The following PCDHA3 variants were observed in gnomAD, a reference collection of about 807,000 sequenced individuals.
PCDHA3 encodes protocadherin alpha 3, also known as protocadherin alpha-3.
A neutral mutation model predicts 62.2 loss-of-function variants in PCDHA3; 41 were observed. The ratio of observed to expected loss-of-function variants is 0.66; its 90% confidence interval spans 0.51 to 0.86. The LOEUF (loss-of-function observed/expected upper bound fraction) is 0.86. Among genes scored for constraint, PCDHA3 ranks in the 40% least tolerant of loss-of-function variants. The pLI, the probability that PCDHA3 is intolerant of heterozygous loss-of-function variation, is 0.00. For missense variants in PCDHA3, 1,304 were observed against 1,241.2 expected, an observed-to-expected ratio of 1.05 and a Z score of -0.76; for synonymous variants, 640 against 555.4, an observed-to-expected ratio of 1.15 and a Z score of -2.14.
chr5:140,805,664 A>C, intron 1 of PCDHA3: 1 of 842,580 alleles, frequency 1.2e-6, no homozygotes, highest in Non-Finnish European at 1.4e-6. Context: ...TTCCCCATTA[A>C]TACCCAGGAT....
At chr5:140,967,958 CG>C in intron 1 of PCDHA3, 1 of 1,614,182 alleles carries the variant, frequency 6.2e-7, no homozygotes, top group Non-Finnish European at 8.5e-7. Flanking sequence ...AGGCCCCAAC[CG>C]GAAAGTGAGC....
chr5:140,958,799 C>T (rs889190378), intron 1 of PCDHA3, among the ~76,000 whole-genome samples: 3 of 152,104 alleles, frequency 2.0e-5, no homozygotes, highest in African/African-American at 7.2e-5. Context: ...AGTAAATTAT[C>T]ACACCATTCT....
chr5:140,870,179 G>A, intron 1 of PCDHA3: 1 of 1,614,104 alleles, frequency 6.2e-7, no homozygotes, highest in South Asian at 1.1e-5. Context: ...CTCCCAGTAC[G>A]AGAGGACGCT....
intron 2 of PCDHA3, among the ~76,000 whole-genome samples, chr5:140,979,595 A>G (rs1261298748): frequency 1.3e-5 from 2 of 152,212 alleles, no homozygotes; most frequent in African/African-American, 4.8e-5. Context: ...GCTTACTTTA[A>G]ATTAACCTAG....
rs1351509805 is a variant in PCDHA3, at chr5:140,928,584, TG to T, written c.2395-50364del. The T allele has an allele frequency of 8.7e-6, 14 of 1,614,150 alleles. No homozygotes were observed. In the African/African-American group the frequency reaches 1.9e-4, roughly 22 times the overall value. On this transcript the variant is annotated intron_variant, in intron 1 of 3. Coordinates refer to ENST00000522353, the MANE Select transcript of PCDHA3 (RefSeq NM_018906.3). ...TGTTTCCCTTGCCCAGAAATGGTTCTGTCCCAGTGGAAATTGTGCCCCGCTC... is the reference window on the plus strand; with the variant it reads ...TGTTTCCCTTGCCCAGAAATGGTTCTTCCCAGTGGAAATTGTGCCCCGCTC...
intron 2 of PCDHA3, 171 bp from the exon 3 acceptor site, chr5:140,982,304 C>G: frequency 8.0e-7 from 1 of 1,244,768 alleles, no homozygotes. Context: ...AGCAATGCTT[C>G]TGCAGTTTAT....
intron 3 of PCDHA3, among the ~76,000 whole-genome samples, chr5:140,995,888 T>C (rs1307052037): frequency 3.3e-5 from 5 of 152,216 alleles, no homozygotes; most frequent in Non-Finnish European, 5.9e-5. Flanking sequence ...GCTTCAGATT[T>C]ATCAATGTAT....
intron 1 of PCDHA3, chr5:140,816,131 T>C (rs1255867956): frequency 2.6e-5 from 4 of 152,222 alleles, no homozygotes; most frequent in Non-Finnish European, 4.4e-5. Flanking sequence ...GAAACTGTCA[T>C]AATGAGTAGA....
intron 1 of PCDHA3, chr5:140,884,792 G>T: frequency 7.6e-7 from 1 of 1,312,776 alleles, no homozygotes; most frequent in Non-Finnish European, 1.0e-6. Context: ...AGTTGTTATC[G>T]AATTTAACAA....
chr5:140,856,448 G>T (rs782383115), intron 1 of PCDHA3: 3 of 1,598,274 alleles, frequency 1.9e-6, no homozygotes, highest in South Asian at 2.2e-5. Context: ...CAGGTTCTCC[G>T]TAACAGAACA....
At chr5:140,828,176 G>C (rs782133322) in intron 1 of PCDHA3, 1 of 1,614,128 alleles carries the variant, frequency 6.2e-7, no homozygotes, top group African/African-American at 1.3e-5. Flanking sequence ...GGTGGGGAGC[G>C]GCCAGCTCCA....
chr5:140,908,587 T>G (rs186345728), intron 1 of PCDHA3, among the ~76,000 whole-genome samples: 3 of 152,298 alleles, frequency 2.0e-5, no homozygotes, highest in East Asian at 3.9e-4. Context: ...AGTAGTTAGC[T>G]GCAGAAGATG....
chr5:140,963,072 CAG>C (rs1366711310), intron 1 of PCDHA3, among the ~76,000 whole-genome samples: 5 of 151,824 alleles, frequency 3.3e-5, no homozygotes, highest in African/African-American at 1.2e-4. Flanking sequence ...GTGAAGGAGA[CAG>C]AAATATAAGA....
intron 1 of PCDHA3, chr5:140,884,314 G>T: frequency 6.2e-7 from 1 of 1,613,760 alleles, no homozygotes. Context: ...CGTCGAGGGC[G>T]TCGGCAGGCG....
intron 1 of PCDHA3, among the ~76,000 whole-genome samples, chr5:140,910,225 T>C (rs1194368347): frequency 6.6e-6 from 1 of 152,232 alleles, no homozygotes; most frequent in Non-Finnish European, 1.5e-5. Flanking sequence ...TTTCTGCTTA[T>C]ATAAATTAAA....
chr5:140,824,610 GT>G (rs2150135229), intron 1 of PCDHA3: 1,308 of 95,098 alleles, frequency 0.014, 8 homozygotes, highest in East Asian at 0.019. Flanking sequence ...GCTAATTAAA[GT>G]TTTTTTTTTT....
chr5:140,862,256 A>C (rs2047276539), intron 1 of PCDHA3: 1 of 223,718 alleles, frequency 4.5e-6, no homozygotes, highest in Non-Finnish European at 8.9e-6. Context: ...TTCCAGAGTT[A>C]GCAGTAAGTC....
intron 1 of PCDHA3, among the ~76,000 whole-genome samples, chr5:140,886,184 G>T (rs894479887): frequency 6.6e-6 from 1 of 151,966 alleles, no homozygotes; most frequent in Admixed American, 6.6e-5. Flanking sequence ...GCCTAATGCT[G>T]GCAAGCAGTA....
intron 1 of PCDHA3, chr5:140,967,458 A>T (rs1042156831): frequency 6.2e-7 from 1 of 1,613,546 alleles, no homozygotes; most frequent in Non-Finnish European, 8.5e-7. Flanking sequence ...ACAGCCGTGG[A>T]TGGGGGCATC....
Sources: gnomAD v4.1 joint callset for allele counts (sites outside exome capture counted in the v4.1 genomes callset) on GRCh38, gnomAD v4.1.1 for gene constraint, MANE v1.5 for transcripts, NCBI Gene and HGNC (gene_info 2026-07-23, HGNC 2026-07-21) for gene names.